The following PIK3C3 variants were observed in gnomAD, a reference collection of about 807,000 sequenced individuals.
The protein encoded by PIK3C3 is phosphatidylinositol 3-kinase catalytic subunit type 3.
PIK3C3 carries 95 observed loss-of-function variants against 126.1 expected under a neutral mutation model. The observed-to-expected ratio is 0.75, with a 90% CI of 0.64 to 0.89. The LOEUF is 0.89. Among genes scored for constraint, PIK3C3 ranks in the 40% least tolerant of loss-of-function variants. PIK3C3 has a pLI of 0.00. For synonymous variants in PIK3C3, 374 were observed against 360.0 expected (o/e 1.04, Z -0.44); for missense variants, 829 against 1,063.2 (o/e 0.78, Z 3.06).
rs571315773 is a variant in PIK3C3 at position 41,981,757 on chromosome 18, C to T, written c.532-6055C>T. Among the ~76,000 whole-genome samples, 379 of 149,474 alleles carry T rather than the reference C, an allele frequency of 2.5e-3. 2 individuals carry two copies. Among genetic ancestry groups the T allele is most frequent in the African/African-American group, 9.0e-3 (366 of 40,566 alleles). Reference sequence around the variant, plus strand: ...GGTGGATCATTTGAGGTCAGGAGTTCGAGACCAGCCTGGTCAACATGGTGA... The same window carrying T: ...GGTGGATCATTTGAGGTCAGGAGTTTGAGACCAGCCTGGTCAACATGGTGA... On this transcript the variant is annotated intron_variant, in intron 4 of 24. Transcript: ENST00000262039.
At chr18:42,006,414 T>A (rs1982545292) in intron 10 of PIK3C3, among the ~76,000 whole-genome samples, 1 of 114,726 alleles carries the variant, frequency 8.7e-6, no homozygotes, top group Non-Finnish European at 1.6e-5. Context: ...ATTGATTAAA[T>A]CATTGGCTGC....
At chr18:41,974,582 C>T (rs1007623699) in intron 4 of PIK3C3, among the ~76,000 whole-genome samples, 1 of 147,552 alleles carries the variant, frequency 6.8e-6, no homozygotes, top group Admixed American at 6.8e-5. Context: ...CTTCTTTTTC[C>T]CATTTCTAAG....
intron 24 of PIK3C3, among the ~76,000 whole-genome samples, chr18:42,069,357 A>G (rs1985681122): frequency 6.6e-6 from 1 of 152,226 alleles, no homozygotes; most frequent in African/African-American, 2.4e-5. Context: ...ATAGGGGGAA[A>G]AAGGCCAGAG....
intron 13 of PIK3C3, among the ~76,000 whole-genome samples, chr18:42,022,294 C>T (rs1983362991): frequency 6.6e-6 from 1 of 152,162 alleles, no homozygotes; most frequent in Non-Finnish European, 1.5e-5. Context: ...GCCCCCATCC[C>T]CAACCCCATG....
chr18:41,957,869 C>A, intron 2 of PIK3C3, 111 bp downstream of exon 2: 1 of 719,728 alleles, frequency 1.4e-6, no homozygotes, highest in Non-Finnish European at 2.2e-6. Flanking sequence ...TACCTATAGG[C>A]ATTGATCAAA....
chr18:42,077,902 T>C (rs1242043504), intron 24 of PIK3C3, among the ~76,000 whole-genome samples: 1 of 152,186 alleles, frequency 6.6e-6, no homozygotes, highest in Non-Finnish European at 1.5e-5. Flanking sequence ...TAATAGGACT[T>C]GAAAGTAGAG....
At chr18:41,967,819 TC>T (rs1334157706) in intron 3 of PIK3C3, among the ~76,000 whole-genome samples, 1 of 152,174 alleles carries the variant, frequency 6.6e-6, no homozygotes, top group Non-Finnish European at 1.5e-5. Flanking sequence ...ATCCTGGAAG[TC>T]AAGGCAGTTG....
chr18:41,990,387 AATG>A, intron 5 of PIK3C3, 69 bp from the exon 6 acceptor site: 1 of 859,352 alleles, frequency 1.2e-6, no homozygotes, highest in South Asian at 1.4e-5. Flanking sequence ...AATTAGGAAA[AATG>A]ATACATACTG....
At chr18:41,970,909 A>G (rs1021888775) in intron 4 of PIK3C3, 1 of 182,366 alleles carries the variant, frequency 5.5e-6, no homozygotes, top group Non-Finnish European at 1.1e-5. Flanking sequence ...TTTCAAGATG[A>G]CCACCCACTT....
chr18:42,004,474 C>G lies in PIK3C3; in HGVS notation c.1103C>G (p.Ser368Cys). 1 of 1,613,494 alleles carries G rather than the reference C, an allele frequency of 6.2e-7. No individual in the cohort carries two copies. The highest frequency in any genetic ancestry group is 8.5e-7 in the Non-Finnish European group (1 of 1,179,774). ...MDVEDSLELL[S>C]SHYTNPTVRR... ...GTAGAGGACTCCTTGGAGCTGTTAT[C>G]CTCTCATTACACCAACCCAACTGTG... Residue 368 changes from serine to cysteine, a missense_variant, in exon 10 of 25, where the codon TCC becomes TGC. Transcript: ENST00000262039.
At chr18:41,965,687 A>T (rs1449094473) in intron 3 of PIK3C3, among the ~76,000 whole-genome samples, 4 of 152,174 alleles carry the variant, frequency 2.6e-5, no homozygotes, top group African/African-American at 9.7e-5. Flanking sequence ...TATTAATATG[A>T]CTTACACGTG....
chr18:42,056,779 C>T (rs1985084438), intron 21 of PIK3C3, among the ~76,000 whole-genome samples: 1 of 152,102 alleles, frequency 6.6e-6, no homozygotes, highest in African/African-American at 2.4e-5. Context: ...TTCATCAGTT[C>T]ATGGAAAACT....
intron 4 of PIK3C3, among the ~76,000 whole-genome samples, chr18:41,985,325 C>T: frequency 6.6e-6 from 1 of 152,136 alleles, no homozygotes; most frequent in East Asian, 1.9e-4. Context: ...ATAGGACAGG[C>T]ATCTAGGAGA....
At chr18:42,046,809 A>G (rs1221005076) in intron 20 of PIK3C3, among the ~76,000 whole-genome samples, 1 of 152,144 alleles carries the variant, frequency 6.6e-6, no homozygotes, top group Non-Finnish European at 1.5e-5. Flanking sequence ...TTGACACTTT[A>G]AACTATTGAA....
chr18:42,079,989 A>AAG (rs144788006), intron 24 of PIK3C3, among the ~76,000 whole-genome samples: 32,400 of 109,890 alleles, frequency 0.29, 3,936 homozygotes, highest in South Asian at 0.44. Context: ...GTGTGTATGT[A>AAG]AGAGAGAGAG....
chr18:42,037,575 T>C, intron 16 of PIK3C3, 117 bp from the exon 17 acceptor site: 1 of 872,860 alleles, frequency 1.1e-6, no homozygotes, highest in South Asian at 2.0e-5. Context: ...CCAACTTGTT[T>C]TTTAGGTCCT....
At chr18:41,978,320 A>T (rs1490908564) in intron 4 of PIK3C3, among the ~76,000 whole-genome samples, 1 of 152,224 alleles carries the variant, frequency 6.6e-6, no homozygotes, top group African/African-American at 2.4e-5. Context: ...GAATTTTGGA[A>T]AAAACTAAAG....
chr18:42,002,694 T>C (rs917564855), intron 9 of PIK3C3, among the ~76,000 whole-genome samples: 3 of 152,216 alleles, frequency 2.0e-5, no homozygotes, highest in African/African-American at 7.2e-5. Flanking sequence ...GGGGTATTTC[T>C]GCTAACAATA....
intron 1 of PIK3C3, among the ~76,000 whole-genome samples, chr18:41,956,391 G>T (rs945985412): frequency 1.3e-5 from 2 of 151,932 alleles, no homozygotes; most frequent in Admixed American, 1.3e-4. Flanking sequence ...CTCATTTAAG[G>T]TATTTTCCAT....
Sources: allele counts gnomAD v4.1 joint callset (sites outside exome capture counted in the v4.1 genomes callset), GRCh38; gene constraint gnomAD v4.1.1; transcripts MANE v1.5; gene names NCBI Gene and HGNC (gene_info 2026-07-23, HGNC 2026-07-21).